The following ZDHHC13 variants were observed in gnomAD, a reference collection of about 807,000 sequenced individuals.
ZDHHC13 encodes zDHHC palmitoyltransferase 13.
In ZDHHC13, 85 loss-of-function variants were observed where a neutral mutation model predicts 86.0. That is an observed-to-expected ratio of 0.99 (90% CI 0.83 to 1.18). The LOEUF is 1.18. ZDHHC13 is among the 50% of genes most tolerant of loss of function. The pLI is 0.00. For missense variants in ZDHHC13, 711 were observed against 730.2 expected, an observed-to-expected ratio of 0.97 and a Z score of 0.30; for synonymous variants, 263 against 246.4, an observed-to-expected ratio of 1.07 and a Z score of -0.63.
At chr11:19,125,012 C>G (rs1362299241) in intron 1 of ZDHHC13, among the ~76,000 whole-genome samples, 1 of 152,062 alleles carries the variant, frequency 6.6e-6, no homozygotes, top group Non-Finnish European at 1.5e-5. Flanking sequence ...AGCACAGTCA[C>G]CAGAAACACT....
intron 1 of ZDHHC13, among the ~76,000 whole-genome samples, chr11:19,140,707 A>T (rs2133395431): frequency 6.6e-6 from 1 of 152,296 alleles, no homozygotes; most frequent in Non-Finnish European, 1.5e-5. Context: ...AAAATGTGGC[A>T]CATATACACC....
rs114932499 is a variant in ZDHHC13, at chr11:19,141,775, C to G, written c.28-1203C>G. Among the ~76,000 whole-genome samples the G allele has an allele frequency of 6.9e-3, 1,035 of 150,010 alleles. 9 individuals carry two copies. Among genetic ancestry groups the G allele is most frequent in the African/African-American group, 0.024 (977 of 40,910 alleles). ...GAAACACTCAAATTAGTTTGAATGA[C>G]AAATCTAAGATAATTGTTTAAAGAA... On this transcript the variant is annotated intron_variant, in intron 1 of 16. Transcript: ENST00000446113.
chr11:19,152,476 T>C (rs1010601441), intron 7 of ZDHHC13, 83 bp from the exon 8 acceptor site: 1 of 1,464,644 alleles, frequency 6.8e-7, no homozygotes, highest in South Asian at 1.4e-5. Flanking sequence ...GTTGAGTCTA[T>C]GATTCTGGTG....
chr11:19,124,144 A>G (rs1304576579), intron 1 of ZDHHC13, among the ~76,000 whole-genome samples: 1 of 152,114 alleles, frequency 6.6e-6, no homozygotes, highest in Non-Finnish European at 1.5e-5. Flanking sequence ...AATGAATTAT[A>G]CTAGATCTAT....
At chr11:19,146,353 CCTT>C (rs1296450125) in intron 3 of ZDHHC13, 50 bp downstream of exon 3, 2 of 1,571,196 alleles carry the variant, frequency 1.3e-6, no homozygotes, top group South Asian at 2.4e-5. Flanking sequence ...TTAGACCTCT[CCTT>C]CATTTATCTT....
rs1020920356 is a variant in ZDHHC13, at chr11:19,164,187, A to G, written c.1234-114A>G. 6 of 1,034,208 alleles carry G rather than the reference A, an allele frequency of 5.8e-6. No individual in the cohort carries two copies. The African/African-American group carries it at 9.7e-5, about 17-fold the overall frequency. The allele number at this position is 1,034,208 out of a possible 1,614,324, so 64.1% of individuals were successfully genotyped here. A position where few individuals can be genotyped will look rare whatever the true frequency, so the allele number is the denominator to read the frequency against. On this transcript the variant is annotated intron_variant, in intron 11 of 16. Transcript: ENST00000446113. ...GAATGATTTGGTGGCAAGTATTCCAAATTGCTTTTCTAACTACTTCAGTTT... is the reference window on the plus strand; with the variant it reads ...GAATGATTTGGTGGCAAGTATTCCAGATTGCTTTTCTAACTACTTCAGTTT...
chr11:19,173,012 A>C (rs1850266085), intron 16 of ZDHHC13, among the ~76,000 whole-genome samples, 192 bp downstream of exon 16: 1 of 152,196 alleles, frequency 6.6e-6, no homozygotes, highest in African/African-American at 2.4e-5. Context: ...GGTGGTAAGA[A>C]TTCGAGAGTT....
rs751033980 is a variant in ZDHHC13 at position 19,165,061 on chromosome 11, C to A, written c.1306C>A (p.Pro436Thr). The change falls in exon 13 of 17, where the codon CCA becomes ACA. Residue 436 changes from proline to threonine, a missense_variant. By Grantham distance (38) the Pro-to-Thr change is conservative. Transcript: ENST00000446113. The stretch of plus-strand genomic sequence containing the variant: ...TTAATTGCCCACTTAGATAAGGAAG[C>A]CATTAAGGTCACTCCACTGCCATGT... ...TFCTSCLIRK[P>T]LRSLHCHVCN... The A allele has an allele frequency of 6.2e-7, 1 of 1,612,332 alleles. No individual in the cohort carries two copies. The highest frequency in any genetic ancestry group is 1.1e-5 in the South Asian group (1 of 90,642).
intron 10 of ZDHHC13, among the ~76,000 whole-genome samples, chr11:19,160,046 G>A (rs1042643753): frequency 6.6e-6 from 1 of 151,962 alleles, no homozygotes; most frequent in African/African-American, 2.4e-5. Flanking sequence ...CGAAAAGAAA[G>A]AACAGAATGT....
intron 15 of ZDHHC13, among the ~76,000 whole-genome samples, chr11:19,171,718 A>G (rs1047594957): frequency 6.6e-6 from 1 of 152,234 alleles, no homozygotes; most frequent in African/African-American, 2.4e-5. Context: ...TAGAATAAGT[A>G]CAAGTATATG....
intron 1 of ZDHHC13, among the ~76,000 whole-genome samples, chr11:19,136,450 G>T (rs796188923): frequency 1.3e-5 from 2 of 152,172 alleles, no homozygotes; most frequent in Non-Finnish European, 2.9e-5. Context: ...CGTCTGATTG[G>T]TGTACCTGAA....
At chr11:19,137,399 G>C (rs1272483980) in intron 1 of ZDHHC13, among the ~76,000 whole-genome samples, 1 of 152,042 alleles carries the variant, frequency 6.6e-6, no homozygotes, top group Admixed American at 6.5e-5. Context: ...CAATACAGGA[G>C]CACCCAGATT....
chr11:19,147,908 GAATA>G (rs1348345833), intron 4 of ZDHHC13, among the ~76,000 whole-genome samples: 1 of 151,584 alleles, frequency 6.6e-6, no homozygotes, highest in Non-Finnish European at 1.5e-5. Context: ...TTTGTAATTA[GAATA>G]AATAATTTTC....
At chr11:19,165,362 A>C (rs1850033406) in intron 13 of ZDHHC13, among the ~76,000 whole-genome samples, 1 of 152,194 alleles carries the variant, frequency 6.6e-6, no homozygotes, top group South Asian at 2.1e-4. Flanking sequence ...TAGACAGAAA[A>C]AATATTATCT....
At chr11:19,129,413 G>A (rs1848942758) in intron 1 of ZDHHC13, among the ~76,000 whole-genome samples, 6 of 152,022 alleles carry the variant, frequency 3.9e-5, no homozygotes, top group Admixed American at 3.9e-4. Flanking sequence ...TTCGATTGAG[G>A]AGGTTCCCTT....
chr11:19,138,214 A>T (rs1590068349), intron 1 of ZDHHC13, among the ~76,000 whole-genome samples: 1 of 150,752 alleles, frequency 6.6e-6, no homozygotes, highest in Admixed American at 6.6e-5. Context: ...GATGCAATAA[A>T]AAATGATAAA....
At chr11:19,128,802 A>G (rs531176178) in intron 1 of ZDHHC13, among the ~76,000 whole-genome samples, 89 of 152,342 alleles carry the variant, frequency 5.8e-4, no homozygotes, top group Non-Finnish European at 1.1e-3. Flanking sequence ...AGATGAGATT[A>G]AAAAATAATG....
chr11:19,175,802 C>CTTTTT lies in ZDHHC13; in HGVS notation c.1731-13_1731-9dup. Reference sequence around the variant, plus strand: ...CAGGAAATATAGTAAGACATGTTCTCTTTTTTTTTTTCTTGGCAGTCTTGG... The same window carrying CTTTTT: ...CAGGAAATATAGTAAGACATGTTCTCTTTTTTTTTTTTTTTTCTTGGCAGTCTTGG... On this transcript the variant is annotated intron_variant, in intron 16 of 16. Coordinates refer to ENST00000446113, the MANE Select transcript of ZDHHC13 (RefSeq NM_019028.3). The CTTTTT allele has an allele frequency of 4.0e-6, 5 of 1,244,346 alleles. No homozygotes were observed. Among genetic ancestry groups the CTTTTT allele is most frequent in the African/African-American group, 3.0e-5 (2 of 66,350 alleles). The allele number at this position is 1,244,346 out of a possible 1,614,324, so 77.1% of individuals were successfully genotyped here. A position where few individuals can be genotyped will look rare whatever the true frequency, so the allele number is the denominator to read the frequency against.
chr11:19,147,771 T>C (rs1383602640), intron 4 of ZDHHC13, 98 bp downstream of exon 4: 3 of 527,136 alleles, frequency 5.7e-6, no homozygotes, highest in Non-Finnish European at 8.7e-6. Context: ...CTGTCTTTTC[T>C]TCCCCCCCCC....
Sources: allele counts gnomAD v4.1 joint callset (sites outside exome capture counted in the v4.1 genomes callset), GRCh38; gene constraint gnomAD v4.1.1; transcripts MANE v1.5; gene names NCBI Gene and HGNC (gene_info 2026-07-23, HGNC 2026-07-21).